Variants in TBC1D22A observed in about 807,000 individuals in gnomAD.
TBC1D22A encodes putative GTPase activator.
Under a neutral mutation model 60.2 loss-of-function variants are expected in TBC1D22A, and 38 were observed. The observed-to-expected ratio is 0.63, with a 90% CI of 0.49 to 0.83. The LOEUF is 0.83. TBC1D22A is among the 40% of genes least tolerant of loss of function. The pLI is 0.00. For synonymous variants in TBC1D22A, 302 were observed against 281.7 expected (o/e 1.07, Z -0.72); for missense variants, 628 against 701.0 (o/e 0.90, Z 1.18).
rs367887936 is a variant in TBC1D22A, at chr22:47,156,498, G to C, written c.1426-17000G>C. On this transcript the variant is annotated intron_variant, in intron 12 of 12. Coordinates refer to ENST00000337137, the MANE Select transcript of TBC1D22A (RefSeq NM_014346.5). ...CTCCCTCGGACATGGTGGGTGTGGA[G>C]GACACCTCACAGTTGTTAGATCGAT... Among the ~76,000 whole-genome samples the C allele has an allele frequency of 3.2e-4, 49 of 152,274 alleles. 2 individuals carry two copies. The East Asian group carries it at 4.1e-3, about 13-fold the overall frequency.
chr22:46,964,130 CTTG>C (rs1188556086), intron 8 of TBC1D22A, among the ~76,000 whole-genome samples: 10 of 152,298 alleles, frequency 6.6e-5, no homozygotes, highest in South Asian at 4.1e-4. Flanking sequence ...TGGCTGTGCA[CTTG>C]TTGGAGCCTT....
chr22:47,002,468 G>T (rs771529796), intron 10 of TBC1D22A, among the ~76,000 whole-genome samples: 2 of 152,174 alleles, frequency 1.3e-5, no homozygotes, highest in Non-Finnish European at 2.9e-5. Context: ...CATAGATGAC[G>T]TCTGTATAAA....
chr22:47,125,381 C>CA (rs1260883668), intron 12 of TBC1D22A, among the ~76,000 whole-genome samples: 1 of 152,250 alleles, frequency 6.6e-6, no homozygotes. Flanking sequence ...AGGCCTGACA[C>CA]ACCCAGAGCA....
chr22:47,168,612 A>G (rs1167331865), intron 12 of TBC1D22A, among the ~76,000 whole-genome samples: 1 of 152,102 alleles, frequency 6.6e-6, no homozygotes, highest in Non-Finnish European at 1.5e-5. Context: ...CCGTTCTCAC[A>G]TGAGCCTCAG....
chr22:46,928,294 C>T (rs2071164096), intron 8 of TBC1D22A, among the ~76,000 whole-genome samples: 1 of 152,206 alleles, frequency 6.6e-6, no homozygotes. Context: ...CAATTGATTT[C>T]TGACAAAAAT....
chr22:47,160,103 G>C (rs1463250691), intron 12 of TBC1D22A, among the ~76,000 whole-genome samples: 1 of 152,158 alleles, frequency 6.6e-6, no homozygotes, highest in Non-Finnish European at 1.5e-5. Context: ...GGCAGGGGAG[G>C]CCGGGCCGCC....
chr22:46,808,824 G>T (rs1265852175), intron 4 of TBC1D22A, among the ~76,000 whole-genome samples: 1 of 152,214 alleles, frequency 6.6e-6, no homozygotes, highest in Non-Finnish European at 1.5e-5. Flanking sequence ...TCAATCTCCT[G>T]ACCTCGTGAT....
chr22:46,951,120 G>C (rs1048105556), intron 8 of TBC1D22A, among the ~76,000 whole-genome samples: 4 of 152,180 alleles, frequency 2.6e-5, no homozygotes, highest in Non-Finnish European at 5.9e-5. Context: ...CTTTGCCGTA[G>C]ACTCTCCATC....
chr22:46,786,265 A>T (rs1224253293), intron 1 of TBC1D22A, among the ~76,000 whole-genome samples: 3 of 152,228 alleles, frequency 2.0e-5, no homozygotes, highest in Admixed American at 6.5e-5. Flanking sequence ...ATCTATTTAG[A>T]TGATCATGTG....
chr22:46,902,878 G>C (rs181625142), intron 7 of TBC1D22A, among the ~76,000 whole-genome samples: 103 of 150,306 alleles, frequency 6.9e-4, no homozygotes, highest in Non-Finnish European at 1.2e-3. Flanking sequence ...ACAGATGTGC[G>C]TGAAACCCAG....
chr22:46,904,401 A>G (rs1439505802), intron 7 of TBC1D22A, among the ~76,000 whole-genome samples: 1 of 152,000 alleles, frequency 6.6e-6, no homozygotes, highest in Non-Finnish European at 1.5e-5. Flanking sequence ...AACCCTCGGC[A>G]ATACCATCCG....
In TBC1D22A at chr22:46,802,862, G is replaced by T. The variant is rs2084956247; in HGVS notation, c.637+5242G>T. 1.3e-5 allele frequency among the ~76,000 whole-genome samples: 2 copies of T among 151,862 alleles called. 1 individual carries two copies. Among genetic ancestry groups the T allele is most frequent in the South Asian group, 4.2e-4 (2 of 4,812 alleles). On this transcript the variant is annotated intron_variant, in intron 4 of 12. Coordinates refer to ENST00000337137, the MANE Select transcript of TBC1D22A (RefSeq NM_014346.5). ...GTGGGCTGGGGATGTGGGTGGGGTG[G>T]GCTGCGTGAGTCGGGGGCTGATGAA...
At chr22:47,130,488 A>ATGGAGGG (rs1387954442) in intron 12 of TBC1D22A, among the ~76,000 whole-genome samples, 7 of 152,096 alleles carry the variant, frequency 4.6e-5, no homozygotes, top group Admixed American at 2.0e-4. Context: ...CTCTCTCTGG[A>ATGGAGGG]TGGAGGGTGG....
chr22:47,026,704 G>A (rs1205874478), intron 10 of TBC1D22A, among the ~76,000 whole-genome samples: 2 of 152,184 alleles, frequency 1.3e-5, no homozygotes, highest in Admixed American at 1.3e-4. Context: ...GATAAAATAT[G>A]TAATAGGCCT....
rs2062360606 is a variant in TBC1D22A, at chr22:47,028,967, G to A, written c.1202-8104G>A. Reference sequence around the variant, plus strand: ...CACTTCAGACTCCAGCTGCACCTCAGTGGTCCCCAGGCCACCTGCACCTCT... The same window carrying A: ...CACTTCAGACTCCAGCTGCACCTCAATGGTCCCCAGGCCACCTGCACCTCT... On this transcript the variant is annotated intron_variant, in intron 10 of 12. Transcript: ENST00000337137. This position sits in a 1 kb window ranked among gnomAD's most constrained non-coding sequence, Gnocchi z 4.4. 6.6e-6 allele frequency among the ~76,000 whole-genome samples: 1 copy of A among 152,196 alleles called. No homozygotes were observed. The highest frequency in any genetic ancestry group is 2.4e-5 in the African/African-American group (1 of 41,446).
intron 8 of TBC1D22A, among the ~76,000 whole-genome samples, chr22:46,944,733 C>G (rs971522279): frequency 6.6e-6 from 1 of 152,176 alleles, no homozygotes; most frequent in Admixed American, 6.5e-5. Context: ...ACTTTTCATT[C>G]CATGCTCTTT....
intron 12 of TBC1D22A, among the ~76,000 whole-genome samples, chr22:47,160,018 A>T (rs2067910386): frequency 6.6e-6 from 1 of 151,400 alleles, no homozygotes; most frequent in Admixed American, 6.6e-5. Context: ...CACCATATAC[A>T]CACATGTGCA....
chr22:47,020,309 T>C (rs984027343), intron 10 of TBC1D22A, among the ~76,000 whole-genome samples: 1 of 152,064 alleles, frequency 6.6e-6, no homozygotes, highest in Admixed American at 6.5e-5. Context: ...CAGCTCAGAC[T>C]CTCAGTGGCA....
chr22:47,076,355 G>A (rs865853874), intron 11 of TBC1D22A, among the ~76,000 whole-genome samples: 1,696 of 71,198 alleles, frequency 0.024, 23 homozygotes, highest in South Asian at 0.041. Context: ...ATATATATAT[G>A]TGTGTGTATA....
Sources: allele counts gnomAD v4.1 joint callset (sites outside exome capture counted in the v4.1 genomes callset), GRCh38; gene constraint gnomAD v4.1.1; non-coding constraint Gnocchi (gnomAD v3.1); transcripts MANE v1.5; gene names NCBI Gene and HGNC (gene_info 2026-07-23, HGNC 2026-07-21).